Variants in SCAI observed in about 807,000 individuals in gnomAD.
SCAI encodes the protein protein SCAI.
A neutral mutation model predicts 92.2 loss-of-function variants in SCAI; 24 were observed. The observed-to-expected ratio is 0.26, with a 90% CI of 0.19 to 0.37. The LOEUF (loss-of-function observed/expected upper bound fraction) is 0.37, where lower values mean the gene tolerates loss of function less well. Among genes scored for constraint, SCAI ranks in the 10% least tolerant of loss-of-function variants. SCAI has a pLI of 1.00. For missense variants in SCAI, 450 were observed against 736.2 expected (o/e 0.61, Z 4.50); for synonymous variants, 261 against 258.6 (o/e 1.01, Z -0.09).
chr9:125,137,570 A>C (rs1835566727), intron 2 of SCAI, among the ~76,000 whole-genome samples: 3 of 152,182 alleles, frequency 2.0e-5, no homozygotes. Flanking sequence ...CACTGGCAAT[A>C]ACTCACTTGG....
chr9:125,029,877 A>T, intron 3 of SCAI, 138 bp from the exon 4 acceptor site: 1 of 496,944 alleles, frequency 2.0e-6, no homozygotes, highest in South Asian at 3.9e-5. Flanking sequence ...CACTTTTTGG[A>T]GCAGAAATAA....
At chr9:125,007,645 G>A (rs1422782746) in intron 9 of SCAI, among the ~76,000 whole-genome samples, 1 of 151,466 alleles carries the variant, frequency 6.6e-6, no homozygotes, top group Non-Finnish European at 1.5e-5. Context: ...GCCAGATACT[G>A]TCTCTAAAAA....
In SCAI at chr9:125,084,158, C is replaced by CTTTTTTTTTTTTTTTTTTTTTT. The variant is rs34786493; in HGVS notation, c.99-28173_99-28152dup. Among the ~76,000 whole-genome samples the CTTTTTTTTTTTTTTTTTTTTTT allele has an allele frequency of 3.1e-5, 2 of 65,116 alleles. 1 individual carries two copies. The highest frequency in any genetic ancestry group is 1.3e-4 in the African/African-American group (2 of 15,242). The allele number at this position is 65,116 out of a possible 152,430, so 42.7% of individuals were successfully genotyped here. On this transcript the variant is annotated intron_variant, in intron 2 of 17. Coordinates refer to ENST00000336505, the MANE Select transcript of SCAI (RefSeq NM_001144877.3). The stretch of plus-strand genomic sequence containing the variant: ...ATATGAACAGGACTCTTGGCTGCTG[C>CTTTTTTTTTTTTTTTTTTTTTT]TTTTTTTTTTTTTTTTTTTTTTTTT...
intron 7 of SCAI, among the ~76,000 whole-genome samples, chr9:125,020,086 GA>G (rs1184488917): frequency 0.014 from 1,554 of 111,346 alleles, 26 homozygotes; most frequent in African/African-American, 0.045. Flanking sequence ...AAAAAAAAAA[GA>G]AAAAAAAAAA....
chr9:124,991,483 CAT>C (rs1418917215), intron 14 of SCAI, among the ~76,000 whole-genome samples: 1 of 148,538 alleles, frequency 6.7e-6, no homozygotes, highest in Non-Finnish European at 1.5e-5. Flanking sequence ...CTATATAAAA[CAT>C]ATATAGCAAA....
At chr9:125,045,001 T>G (rs1418462382) in intron 3 of SCAI, among the ~76,000 whole-genome samples, 1 of 152,172 alleles carries the variant, frequency 6.6e-6, no homozygotes, top group Non-Finnish European at 1.5e-5. Flanking sequence ...CCATGCCCAT[T>G]CGCTAACACA....
At chr9:125,108,347 G>A (rs560587866) in intron 2 of SCAI, among the ~76,000 whole-genome samples, 2,399 of 151,864 alleles carry the variant, frequency 0.016, 26 homozygotes, top group Non-Finnish European at 0.023. Flanking sequence ...GGGAAGTGAG[G>A]AGCGCCTCTT....
At chr9:124,983,629 A>C (rs984607864) in intron 14 of SCAI, among the ~76,000 whole-genome samples, 3 of 152,372 alleles carry the variant, frequency 2.0e-5, no homozygotes, top group African/African-American at 7.2e-5. Context: ...CTGGGATTAC[A>C]GGCGTGAGCC....
chr9:125,092,481 G>C (rs12552475), intron 2 of SCAI, among the ~76,000 whole-genome samples: 95 of 152,084 alleles, frequency 6.2e-4, no homozygotes, highest in Admixed American at 3.6e-3. Flanking sequence ...AACCACCAGA[G>C]AAAATCAGTA....
chr9:125,056,855 T>C (rs180721477), intron 2 of SCAI, among the ~76,000 whole-genome samples: 71 of 152,302 alleles, frequency 4.7e-4, no homozygotes, highest in African/African-American at 1.7e-3. Context: ...GGCAATGGTA[T>C]GAGTACACTT....
chr9:124,973,793 A>G (rs1185089326), intron 15 of SCAI, among the ~76,000 whole-genome samples: 3 of 151,032 alleles, frequency 2.0e-5, no homozygotes, highest in Non-Finnish European at 2.9e-5. Flanking sequence ...GCGCCACTGC[A>G]TCTAGCCTGG....
intron 17 of SCAI, among the ~76,000 whole-genome samples, chr9:124,966,540 T>C (rs1056276954): frequency 1.3e-5 from 2 of 152,188 alleles, no homozygotes; most frequent in Non-Finnish European, 2.9e-5. Context: ...CATAATAGAT[T>C]TGTATATATC....
chr9:125,001,536 T>C (rs1185632044), intron 12 of SCAI, among the ~76,000 whole-genome samples: 1 of 152,344 alleles, frequency 6.6e-6, no homozygotes, highest in East Asian at 1.9e-4. Context: ...CACTGATTTC[T>C]ACAAAGACTT....
Position 125,124,110 on chromosome 9 carries a change from A to C in SCAI, c.98+18523T>G, listed in dbSNP as rs562311301. Among the ~76,000 whole-genome samples the C allele has an allele frequency of 2.1e-4, 32 of 152,292 alleles. No homozygotes were observed. In the South Asian group the frequency reaches 4.8e-3, roughly 23 times the overall value. ...AGCCATTTCATGACAGACTGCGTCA[A>C]TGCAGAGAATTAAGCCAGTAATGCA... On this transcript the variant is annotated intron_variant, in intron 2 of 17. Coordinates refer to ENST00000336505, the MANE Select transcript of SCAI (RefSeq NM_001144877.3).
rs145924585 is a variant in SCAI, at chr9:125,105,069, C to A, written c.98+37564G>T. Among the ~76,000 whole-genome samples, 823 of 152,038 alleles carry A rather than the reference C, an allele frequency of 5.4e-3. 3 individuals carry two copies. Among genetic ancestry groups the A allele is most frequent in the Non-Finnish European group, 9.2e-3 (629 of 68,000 alleles). On this transcript the variant is annotated intron_variant, in intron 2 of 17. Transcript: ENST00000336505. ...TTCTGCTGACAGTCAACTGATACAT[C>A]AACTTTCATAAATCATCTGGTGGTA...
chr9:124,965,536 G>GT (rs1308757607), intron 17 of SCAI, among the ~76,000 whole-genome samples: 48 of 152,260 alleles, frequency 3.2e-4, no homozygotes, highest in African/African-American at 1.2e-3. Flanking sequence ...TGCCCGGCCT[G>GT]TAAGTATGTC....
At chr9:124,986,608 G>A (rs774575923) in intron 14 of SCAI, among the ~76,000 whole-genome samples, 143 of 152,212 alleles carry the variant, frequency 9.4e-4, no homozygotes, top group Non-Finnish European at 1.7e-3. Flanking sequence ...AGATACCATC[G>A]ATATGTGAAG....
intron 2 of SCAI, among the ~76,000 whole-genome samples, chr9:125,062,846 CCT>C (rs968133121): frequency 6.7e-6 from 1 of 149,908 alleles, no homozygotes; most frequent in Non-Finnish European, 1.5e-5. Context: ...ATGGTGAAAC[CCT>C]GTCTCTACTA....
At position 124,948,028 on chromosome 9, in the gene SCAI, C is replaced by G. The variant is rs774533124; in HGVS notation, c.*4779G>C. 3 of 152,204 alleles carry G rather than the reference C, an allele frequency of 2.0e-5. No homozygotes were observed. The highest frequency in any genetic ancestry group is 2.9e-5 in the Non-Finnish European group (2 of 68,044). 9.4% of individuals were successfully genotyped at this position (152,204 alleles called of 1,614,324 possible). A position where few individuals can be genotyped will look rare whatever the true frequency, so the allele number is the denominator to read the frequency against. On this transcript the variant is annotated 3_prime_UTR_variant, in exon 18 of 18. Coordinates refer to ENST00000336505, the MANE Select transcript of SCAI (RefSeq NM_001144877.3). The stretch of plus-strand genomic sequence containing the variant: ...ACTGCTTCTCAGAGACAGAAAGTTA[C>G]TATATCACACATGTCAGAGATTAAA...
Sources: allele counts gnomAD v4.1 joint callset (sites outside exome capture counted in the v4.1 genomes callset), GRCh38; gene constraint gnomAD v4.1.1; transcripts MANE v1.5; gene names NCBI Gene and HGNC (gene_info 2026-07-23, HGNC 2026-07-21).